The following ATF1 variants were observed in gnomAD, a reference collection of about 807,000 sequenced individuals.
The protein encoded by ATF1 is cyclic AMP-dependent transcription factor ATF-1.
ATF1 carries 16 observed loss-of-function variants against 34.7 expected under a neutral mutation model. The observed-to-expected ratio is 0.46, with a 90% CI of 0.31 to 0.70. ATF1 has a LOEUF of 0.70. Ranked by LOEUF, ATF1 falls within the 30% of genes least tolerant of loss-of-function variation. ATF1 has a pLI of 0.05. For synonymous variants in ATF1, 105 were observed against 113.1 expected, an observed-to-expected ratio of 0.93 and a Z score of 0.46; for missense variants, 255 against 321.6, an observed-to-expected ratio of 0.79 and a Z score of 1.58.
intron 2 of ATF1, among the ~76,000 whole-genome samples, chr12:50,795,432 C>A (rs914369822): frequency 1.7e-4 from 26 of 152,170 alleles, no homozygotes; most frequent in African/African-American, 5.3e-4. Context: ...AAAGCTAGAC[C>A]TCCAAAATTT....
intron 2 of ATF1, among the ~76,000 whole-genome samples, chr12:50,793,401 G>A (rs1441638922): frequency 2.6e-5 from 4 of 151,964 alleles, no homozygotes; most frequent in South Asian, 2.1e-4. Flanking sequence ...TGAGGTGGGC[G>A]GATCACGAGG....
At chr12:50,789,823 A>G (rs990454277) in intron 2 of ATF1, among the ~76,000 whole-genome samples, 3 of 152,038 alleles carry the variant, frequency 2.0e-5, no homozygotes, top group African/African-American at 7.2e-5. Context: ...AGGTCTCTCA[A>G]TATTTAGATT....
At chr12:50,774,987 G>A (rs917856782) in intron 1 of ATF1, among the ~76,000 whole-genome samples, 3 of 151,276 alleles carry the variant, frequency 2.0e-5, no homozygotes, top group East Asian at 1.9e-4. Context: ...CTTGTGATCC[G>A]CCTGCCTCGG....
intron 2 of ATF1, among the ~76,000 whole-genome samples, chr12:50,780,665 A>AAC (rs891184077): frequency 6.6e-6 from 1 of 151,698 alleles, no homozygotes; most frequent in Non-Finnish European, 1.5e-5. Flanking sequence ...AAAAAAAAAA[A>AAC]AACAAAACAA....
intron 3 of ATF1, among the ~76,000 whole-genome samples, chr12:50,808,156 C>T (rs927096777): frequency 2.6e-5 from 4 of 152,170 alleles, no homozygotes; most frequent in Non-Finnish European, 5.9e-5. Flanking sequence ...ATACTTTTTC[C>T]ATCCCTTATT....
intron 1 of ATF1, among the ~76,000 whole-genome samples, chr12:50,770,662 G>A (rs1940747466): frequency 6.6e-6 from 1 of 152,186 alleles, no homozygotes; most frequent in Non-Finnish European, 1.5e-5. Flanking sequence ...ACCATAATTT[G>A]TCTTTAGTAA....
chr12:50,774,747 T>C (rs1565900193), intron 1 of ATF1, among the ~76,000 whole-genome samples: 1 of 144,860 alleles, frequency 6.9e-6, no homozygotes, highest in African/African-American at 2.7e-5. Context: ...TTTGTTTTTG[T>C]TTTTGTTTTT....
chr12:50,798,551 T>C (rs996235339), intron 3 of ATF1, among the ~76,000 whole-genome samples: 3 of 152,104 alleles, frequency 2.0e-5, no homozygotes, highest in Non-Finnish European at 4.4e-5. Context: ...CCTCGTGATC[T>C]GCCCACCTTG....
At position 50,819,853 on chromosome 12, in the gene ATF1, A is replaced by T; in HGVS notation, c.*74A>T. ...ATTTCCTAGTGGAGTTTTATAAATT[A>T]AAAGGTCAAAACTGAAGCTTTTTAT... On this transcript the variant is annotated 3_prime_UTR_variant, in exon 7 of 7. Coordinates refer to ENST00000262053, the MANE Select transcript of ATF1 (RefSeq NM_005171.5). 7.9e-7 allele frequency: 1 copy of T among 1,268,428 alleles called. No individual in the cohort carries two copies. The highest frequency in any genetic ancestry group is 1.1e-6 in the Non-Finnish European group (1 of 917,698). The allele number at this position is 1,268,428 out of a possible 1,614,324, so 78.6% of individuals were successfully genotyped here.
intron 1 of ATF1, among the ~76,000 whole-genome samples, chr12:50,779,550 C>G (rs536598000): frequency 0.011 from 1,561 of 139,520 alleles, 28 homozygotes; most frequent in African/African-American, 0.039. Flanking sequence ...AGCCCTCTCT[C>G]TTTTTTTTTT....
intron 2 of ATF1, among the ~76,000 whole-genome samples, chr12:50,781,259 T>A (rs1941054347): frequency 1.3e-5 from 2 of 152,136 alleles, no homozygotes; most frequent in Admixed American, 1.3e-4. Flanking sequence ...TTTTAATACC[T>A]AATACTATGT....
chr12:50,773,444 CTT>C (rs71086476), intron 1 of ATF1, among the ~76,000 whole-genome samples: 7 of 89,568 alleles, frequency 7.8e-5, no homozygotes, highest in East Asian at 3.2e-4. Flanking sequence ...AATTGCCATT[CTT>C]TTTTTTTTTT....
rs11503620 is a variant in ATF1 at position 50,768,657 on chromosome 12, A to C, written c.-7+4350A>C. 2.5e-3 allele frequency among the ~76,000 whole-genome samples: 347 copies of C among 138,968 alleles called. 3 individuals are homozygous for C. The highest frequency in any genetic ancestry group is 8.5e-3 in the African/African-American group (325 of 38,352). 91.2% of individuals were successfully genotyped at this position (138,968 alleles called of 152,430 possible). A position where few individuals can be genotyped will look rare whatever the true frequency, so the allele number is the denominator to read the frequency against. On this transcript the variant is annotated intron_variant, in intron 1 of 6. Transcript: ENST00000262053. The stretch of plus-strand genomic sequence containing the variant: ...ATATTTATATAAAAGAGCTCTGATT[A>C]ATCAGCTTAAACAAAAATAAACATT...
At chr12:50,799,702 A>G (rs1941477147) in intron 3 of ATF1, among the ~76,000 whole-genome samples, 1 of 152,246 alleles carries the variant, frequency 6.6e-6, no homozygotes, top group Non-Finnish European at 1.5e-5. Flanking sequence ...TTTCAGAGCT[A>G]AGAAACACAG....
At chr12:50,794,773 G>C (rs1422634373) in intron 2 of ATF1, among the ~76,000 whole-genome samples, 4 of 151,658 alleles carry the variant, frequency 2.6e-5, no homozygotes. Context: ...AAATGAATTA[G>C]CTGGGCATGG....
intron 1 of ATF1, among the ~76,000 whole-genome samples, chr12:50,779,207 A>T (rs1941000330): frequency 1.3e-5 from 2 of 152,370 alleles, no homozygotes; most frequent in South Asian, 4.1e-4. Context: ...ATTGTGAATA[A>T]TAATGCTGCC....
intron 2 of ATF1, 38 bp downstream of exon 2, chr12:50,780,276 G>C: frequency 6.8e-7 from 1 of 1,479,914 alleles, no homozygotes; most frequent in Non-Finnish European, 9.4e-7. Context: ...AGCTTGTTAG[G>C]AATATTTTAT....
At chr12:50,774,816 C>T (rs1565900264) in intron 1 of ATF1, among the ~76,000 whole-genome samples, 3 of 149,724 alleles carry the variant, frequency 2.0e-5, no homozygotes, top group African/African-American at 7.4e-5. Context: ...GGCTTGATCT[C>T]GGCTCATTGC....
intron 1 of ATF1, among the ~76,000 whole-genome samples, chr12:50,772,204 C>T (rs145623141): frequency 5.3e-5 from 8 of 152,052 alleles, no homozygotes; most frequent in African/African-American, 1.7e-4. Context: ...TGGGCTCAAG[C>T]GATCCTATCG....
Sources: gnomAD v4.1 joint callset for allele counts (sites outside exome capture counted in the v4.1 genomes callset) on GRCh38, gnomAD v4.1.1 for gene constraint, MANE v1.5 for transcripts, NCBI Gene and HGNC (gene_info 2026-07-23, HGNC 2026-07-21) for gene names.